PGK1: variants seen among roughly 807,000 people sequenced by gnomAD.
PGK1 encodes the protein phosphoglycerate kinase 1.
In PGK1, 3 loss-of-function variants were observed where a neutral mutation model predicts 26.9. The observed-to-expected ratio is 0.11, with a 90% CI of 0.05 to 0.29. The LOEUF is 0.29. Among genes scored for constraint, PGK1 ranks in the 10% least tolerant of loss-of-function variants. The pLI, the probability that PGK1 is intolerant of heterozygous loss-of-function variation, is 1.00. For synonymous variants in PGK1, 125 were observed against 115.3 expected (o/e 1.08, Z -0.54); for missense variants, 270 against 314.7 (o/e 0.86, Z 1.07).
intron 1 of PGK1, among the ~76,000 whole-genome samples, chrX:78,108,944 GA>G (rs1303760533): frequency 8.9e-6 from 1 of 111,788 alleles, no homozygotes; most frequent in Non-Finnish European, 1.9e-5. Context: ...ATCCCGATGA[GA>G]AAAAAATCAC....
rs2078380105 is a variant in PGK1 at position 78,125,717 on chromosome X, T to G, written c.1214-73T>G. ...AAGAGCTGGCATGTTATTGGGAAGA[T>G]AAAGTGGGGGAAATCTGGCTTACTG... On this transcript the variant is annotated intron_variant, in intron 10 of 10. Transcript: ENST00000373316. The G allele has an allele frequency of 5.5e-6, 5 of 905,118 alleles. No individual in the cohort carries two copies. The Admixed American group carries it at 1.1e-4, about 20-fold the overall frequency. 74.6% of individuals were successfully genotyped at this position (905,118 alleles called of 1,213,427 possible). A position where few individuals can be genotyped will look rare whatever the true frequency, so the allele number is the denominator to read the frequency against.
chrX:78,112,604 T>G (rs1214139437), intron 2 of PGK1, among the ~76,000 whole-genome samples: 3 of 112,119 alleles, frequency 2.7e-5, no homozygotes, highest in Non-Finnish European at 5.6e-5. Context: ...TTACTACATG[T>G]TTTTTATTTT....
At chrX:78,111,743 A>T (rs2078302533) in intron 2 of PGK1, among the ~76,000 whole-genome samples, 2 of 112,034 alleles carry the variant, frequency 1.8e-5, no homozygotes, top group African/African-American at 6.5e-5. Context: ...GGCAGATCTG[A>T]TCCCGCTTGA....
chrX:78,114,647 T>TTGG (rs10664847), intron 4 of PGK1, among the ~76,000 whole-genome samples: 30,097 of 110,446 alleles, frequency 0.27, 3,243 homozygotes, highest in East Asian at 0.38. Flanking sequence ...AGTGGTGCTG[T>TTGG]TGGTCTTTAG....
chrX:78,124,675 A>T lies in PGK1; in HGVS notation c.937-199A>T, dbSNP rs1295487974. ...GAATGTCTTTATTAAATAACTTTTG[A>T]GGTTTTCCGTTAGACTTGATCTTCC... is the stretch of plus-strand genomic sequence containing the variant. On this transcript the variant is annotated intron_variant, in intron 8 of 10. Coordinates refer to ENST00000373316, the MANE Select transcript of PGK1 (RefSeq NM_000291.4). Among the ~76,000 whole-genome samples the T allele has an allele frequency of 8.9e-6, 1 of 112,015 alleles. No individual in the cohort carries two copies. The highest frequency in any genetic ancestry group is 1.9e-5 in the Non-Finnish European group (1 of 53,236).
At position 78,122,903 on chromosome X, in the gene PGK1, G is replaced by C. The variant is rs782739117; in HGVS notation, c.710G>C (p.Gly237Ala). 2.5e-6 allele frequency: 3 copies of C among 1,198,370 alleles called. No homozygotes were observed. In the Admixed American group the frequency reaches 6.5e-5, roughly 26 times the overall value. Residue 237 changes from glycine to alanine, a missense_variant, in exon 7 of 11, where the codon GGT becomes GCT. Around this residue, in one of 3 missense-constraint regions of PGK1, gnomAD observed 17 missense variants for 45.5 expected, o/e 0.37. Coordinates refer to ENST00000373316, the MANE Select transcript of PGK1 (RefSeq NM_000291.4). Reference sequence around the variant, plus strand: ...GACAAAGTCAATGAGATGATTATTGGTGGTGGAATGGCTTTTACCTTCCTT... The same window carrying C: ...GACAAAGTCAATGAGATGATTATTGCTGGTGGAATGGCTTTTACCTTCCTT... ...MLDKVNEMII[G>A]GGMAFTFLKV...
chrX:78,108,444 G>A (rs2078282614), intron 1 of PGK1, among the ~76,000 whole-genome samples: 1 of 112,474 alleles, frequency 8.9e-6, no homozygotes, highest in South Asian at 3.6e-4. Context: ...CTGAAACAAA[G>A]TAGAGTGTAT....
Position 78,114,164 on chromosome X carries a change from G to A in PGK1, c.417+4G>A, listed in dbSNP as rs372149463. On this transcript the variant is annotated splice_donor_region_variant and intron_variant, in intron 4 of 10. Transcript: ENST00000373316. ...AAAAGATGCTTCTGGGAACAAGGTA[G>A]GACCTGTGATTTTGACATTATTGGG... 71 of 1,206,487 alleles carry A rather than the reference G, an allele frequency of 5.9e-5. No individual in the cohort carries two copies. The highest frequency in any genetic ancestry group is 7.6e-5 in the Non-Finnish European group (68 of 892,065).
chrX:78,121,977 G>A (rs1171321957), intron 6 of PGK1, among the ~76,000 whole-genome samples: 1 of 112,243 alleles, frequency 8.9e-6, no homozygotes, highest in Non-Finnish European at 1.9e-5. Flanking sequence ...AAGGCAGGAG[G>A]ATCACTTGAG....
rs2078334491 is a variant in PGK1, at chrX:78,117,914, TG to T, written c.522-136del. 2.0e-5 allele frequency: 12 copies of T among 611,528 alleles called. No homozygotes were observed. In the East Asian group the frequency reaches 3.6e-4, roughly 18 times the overall value. The allele number at this position is 611,528 out of a possible 1,213,427, so 50.4% of individuals were successfully genotyped here. ...TCTTATCTTGTACCTAAGTGTTTTT[TG>T]TTGCAATGTAGGGATGAAAACCATG... On this transcript the variant is annotated intron_variant, in intron 5 of 10. Coordinates refer to ENST00000373316, the MANE Select transcript of PGK1 (RefSeq NM_000291.4).
chrX:78,105,014 G>C (rs1045791590), intron 1 of PGK1, among the ~76,000 whole-genome samples: 3 of 112,408 alleles, frequency 2.7e-5, no homozygotes, highest in African/African-American at 9.7e-5. Context: ...CCTGCAGCGC[G>C]GTATCGTTGG....
At chrX:78,123,715 T>A (rs782500926) in intron 8 of PGK1, among the ~76,000 whole-genome samples, 165 of 109,116 alleles carry the variant, frequency 1.5e-3, no homozygotes, top group African/African-American at 5.3e-3. Context: ...TTCAAGTGAT[T>A]CTCCTGCCTA....
intron 2 of PGK1, among the ~76,000 whole-genome samples, chrX:78,113,196 G>A (rs2078309370): frequency 9.0e-6 from 1 of 111,467 alleles, no homozygotes; most frequent in Admixed American, 9.5e-5. Flanking sequence ...TTGGGAGGCT[G>A]AGGTAGGAAG....
intron 6 of PGK1, 115 bp from the exon 7 acceptor site, chrX:78,122,720 T>C: frequency 3.9e-6 from 2 of 518,064 alleles, no homozygotes; most frequent in Non-Finnish European, 3.5e-6. Context: ...GCAGTACTTT[T>C]GTCACTTTGA....
rs782021500 is a variant in PGK1 at position 78,104,318 on chromosome X, C to T, written c.-23C>T. 4.3e-6 allele frequency: 5 copies of T among 1,155,419 alleles called. No homozygotes were observed. The African/African-American group carries it at 5.3e-5, about 12-fold the overall frequency. ...CCCTCGTTGACCGAATCACCGACCT[C>T]TCTCCCCAGCTGTATTTCCAAAATG... On this transcript the variant is annotated 5_prime_UTR_variant, in exon 1 of 11. Transcript: ENST00000373316.
At chrX:78,113,713 C>A in intron 2 of PGK1, 31 bp from the exon 3 acceptor site, 1 of 1,194,627 alleles carries the variant, frequency 8.4e-7, no homozygotes, top group Non-Finnish European at 1.1e-6. Flanking sequence ...GGAGTAACTT[C>A]ATTCTGTTTG....
chrX:78,113,761 C>T lies in PGK1; in HGVS notation c.134C>T (p.Pro45Leu), dbSNP rs782104134. The part of the protein sequence containing the change: ...TNNQRIKAAV[P>L]SIKFCLDNGA... ...GGTTGCAGGATTAAGGCTGCTGTCC[C>T]AAGCATCAAATTCTGCTTGGACAAT... Residue 45 changes from proline (P) to leucine (L), a missense_variant, in exon 3 of 11, where the codon CCA becomes CTA. This residue lies in a region of PGK1 where 150 missense variants were observed against 154.6 expected (regional missense o/e 0.97). Coordinates refer to ENST00000373316, the MANE Select transcript of PGK1 (RefSeq NM_000291.4). The T allele has an allele frequency of 1.7e-6, 2 of 1,208,291 alleles. No homozygotes were observed. The highest frequency in any genetic ancestry group is 2.2e-6 in the Non-Finnish European group (2 of 893,948).
intron 6 of PGK1, among the ~76,000 whole-genome samples, chrX:78,122,091 G>A (rs781990098): frequency 1.1e-4 from 12 of 110,612 alleles, no homozygotes; most frequent in African/African-American, 4.0e-4. Context: ...GCCTGTGGTC[G>A]CAGCTACTTG....
At chrX:78,107,681 C>A (rs112866562) in intron 1 of PGK1, among the ~76,000 whole-genome samples, 30,246 of 110,615 alleles carry the variant, frequency 0.27, 3,214 homozygotes, top group East Asian at 0.38. Context: ...ATTACAAATA[C>A]AGCTGCTGTG....
Sources: gnomAD v4.1 joint callset for allele counts (sites outside exome capture counted in the v4.1 genomes callset) on GRCh38, gnomAD v4.1.1 for gene constraint, gnomAD v4.1.1 regional missense constraint, MANE v1.5 for transcripts, NCBI Gene and HGNC (gene_info 2026-07-23, HGNC 2026-07-21) for gene names.